RBFOX1: variants seen among roughly 807,000 people sequenced by gnomAD.
RBFOX1 encodes the protein RNA binding protein fox-1 homolog 1.
RBFOX1 carries 8 observed loss-of-function variants against 57.7 expected under a neutral mutation model. The ratio of observed to expected loss-of-function variants is 0.14; its 90% confidence interval spans 0.08 to 0.25. The LOEUF (loss-of-function observed/expected upper bound fraction) is 0.25. Among genes scored for constraint, RBFOX1 ranks in the 10% least tolerant of loss-of-function variants. The pLI is 1.00. For synonymous variants in RBFOX1, 326 were observed against 222.4 expected (o/e 1.47, Z -4.15); for missense variants, 611 against 548.5 (o/e 1.11, Z -1.14).
At chr16:5,607,255 T>C (rs1426458039) in intron 3 of RBFOX1, among the ~76,000 whole-genome samples, 1 of 152,222 alleles carries the variant, frequency 6.6e-6, no homozygotes, top group Non-Finnish European at 1.5e-5. Context: ...AGGACAAAGC[T>C]GATACTCGGG....
At chr16:6,183,210 A>G (rs1036746053) in intron 1 of RBFOX1, among the ~76,000 whole-genome samples, 17 of 151,952 alleles carry the variant, frequency 1.1e-4, no homozygotes, top group South Asian at 4.2e-4. Flanking sequence ...GCTGGGTTCA[A>G]TGGCCTACAC....
chr16:7,267,023 G>A (rs2095169875), intron 4 of RBFOX1, among the ~76,000 whole-genome samples: 1 of 152,128 alleles, frequency 6.6e-6, no homozygotes, highest in South Asian at 2.1e-4. Flanking sequence ...AAAAGGGTGA[G>A]CCAGCGGGGT....
chr16:6,880,245 G>C (rs1451599684), intron 3 of RBFOX1, among the ~76,000 whole-genome samples: 1 of 152,180 alleles, frequency 6.6e-6, no homozygotes, highest in Non-Finnish European at 1.5e-5. Flanking sequence ...ATGACAAGAA[G>C]GGAAAGAGCA....
chr16:7,206,914 T>C (rs1177305437), intron 4 of RBFOX1, among the ~76,000 whole-genome samples: 6 of 152,192 alleles, frequency 3.9e-5, no homozygotes, highest in Non-Finnish European at 1.5e-5. Flanking sequence ...TTATTGCTTC[T>C]TACAGCATGG....
intron 2 of RBFOX1, among the ~76,000 whole-genome samples, chr16:6,541,030 A>G (rs2096808903): frequency 6.6e-6 from 1 of 152,182 alleles, no homozygotes; most frequent in South Asian, 2.1e-4. Context: ...AAGTTCTTAT[A>G]TAAAGAGGGA....
chr16:5,915,071 A>C (rs995466733), intron 4 of RBFOX1, among the ~76,000 whole-genome samples: 7 of 152,186 alleles, frequency 4.6e-5, no homozygotes, highest in African/African-American at 1.7e-4. Flanking sequence ...GGTGTTACAC[A>C]GGGGTAGAAC....
At chr16:6,007,012 C>A (rs1310131448) in intron 4 of RBFOX1, among the ~76,000 whole-genome samples, 1 of 151,958 alleles carries the variant, frequency 6.6e-6, no homozygotes, top group South Asian at 2.1e-4. Context: ...TATGGATTTA[C>A]CCTCTCTCCC....
intron 4 of RBFOX1, among the ~76,000 whole-genome samples, chr16:7,156,233 C>T (rs935932137): frequency 2.0e-5 from 3 of 148,498 alleles, no homozygotes; most frequent in Non-Finnish European, 2.9e-5. Context: ...TATATATATA[C>T]ACACACATAT....
At chr16:6,468,309 G>C (rs577531316) in intron 2 of RBFOX1, among the ~76,000 whole-genome samples, 105 of 152,302 alleles carry the variant, frequency 6.9e-4, no homozygotes, top group African/African-American at 2.4e-3. Context: ...TATGTTGGCA[G>C]AATGGCAAGG....
intron 4 of RBFOX1, among the ~76,000 whole-genome samples, chr16:7,160,225 G>C (rs570546571): frequency 6.6e-6 from 1 of 151,366 alleles, no homozygotes; most frequent in African/African-American, 2.4e-5. Flanking sequence ...ACAGCAAAGA[G>C]TTTTATGACT....
rs187490097 is a variant in RBFOX1 at position 6,913,956 on chromosome 16, G to A, written c.-15-138101G>A. Among the ~76,000 whole-genome samples, 435 of 152,256 alleles carry A rather than the reference G, an allele frequency of 2.9e-3. 1 individual carries two copies. Among genetic ancestry groups the A allele is most frequent in the African/African-American group, 9.7e-3 (404 of 41,554 alleles). ...GGTGAAGGATATTATAATTATGGAT[G>A]ATTTATACTCCCCACCTCATGTATA... On this transcript the variant is annotated intron_variant, in intron 3 of 15. Coordinates refer to ENST00000550418, the MANE Select transcript of RBFOX1 (RefSeq NM_018723.4).
chr16:5,435,873 G>A (rs554407326), intron 1 of RBFOX1, among the ~76,000 whole-genome samples: 96 of 152,306 alleles, frequency 6.3e-4, no homozygotes, highest in African/African-American at 2.2e-3. Context: ...GGTTGTTTCT[G>A]TTATTTTCGA....
At chr16:5,514,212 G>A (rs1446433792) in intron 2 of RBFOX1, among the ~76,000 whole-genome samples, 1 of 152,150 alleles carries the variant, frequency 6.6e-6, no homozygotes, top group South Asian at 2.1e-4. Flanking sequence ...TAGCCCTCTC[G>A]TATGTCTGAG....
At chr16:6,170,482 A>G (rs563458496) in intron 1 of RBFOX1, among the ~76,000 whole-genome samples, 296 of 152,332 alleles carry the variant, frequency 1.9e-3, no homozygotes, top group Non-Finnish European at 2.8e-3. Flanking sequence ...GTTATGCGTA[A>G]TAAGTGTGAA....
chr16:5,626,826 A>G (rs9674433), intron 3 of RBFOX1, among the ~76,000 whole-genome samples: 11,200 of 152,018 alleles, frequency 0.074, 1,336 homozygotes, highest in African/African-American at 0.25. Flanking sequence ...TTCTGAGCAC[A>G]TTTGAGCAAT....
intron 1 of RBFOX1, among the ~76,000 whole-genome samples, chr16:5,286,068 C>T (rs543634493): frequency 3.9e-5 from 6 of 152,290 alleles, no homozygotes; most frequent in Admixed American, 6.5e-5. Flanking sequence ...CCACACCTGG[C>T]CAGACTGCAG....
chr16:6,993,387 A>G (rs2091807588), intron 3 of RBFOX1, among the ~76,000 whole-genome samples: 1 of 152,144 alleles, frequency 6.6e-6, no homozygotes, highest in Admixed American at 6.5e-5. Context: ...TCGGTAATAA[A>G]TTCATTTGCT....
At chr16:6,775,692 C>G (rs1475292026) in intron 3 of RBFOX1, 1 of 152,290 alleles carries the variant, frequency 6.6e-6, no homozygotes, top group Non-Finnish European at 1.5e-5. Flanking sequence ...TGTCTTTCGT[C>G]AAATTAGTGC....
intron 2 of RBFOX1, among the ~76,000 whole-genome samples, chr16:6,553,418 CTT>C (rs760221101): frequency 3.3e-5 from 5 of 152,166 alleles, no homozygotes; most frequent in Non-Finnish European, 7.3e-5. Context: ...GGAGAATGCT[CTT>C]TTTGAGATAA....
Sources: gnomAD v4.1 joint callset for allele counts (sites outside exome capture counted in the v4.1 genomes callset) on GRCh38, gnomAD v4.1.1 for gene constraint, MANE v1.5 for transcripts, NCBI Gene and HGNC (gene_info 2026-07-23, HGNC 2026-07-21) for gene names.